The following TGIF2 variants were observed in gnomAD, a reference collection of about 807,000 sequenced individuals.
TGIF2 encodes the protein homeobox protein TGIF2.
TGIF2 carries 5 observed loss-of-function variants against 15.1 expected under a neutral mutation model. The ratio of observed to expected loss-of-function variants is 0.33; its 90% CI spans 0.17 to 0.70. TGIF2 has a LOEUF of 0.70. Ranked by LOEUF, TGIF2 falls within the 30% of genes least tolerant of loss-of-function variation. TGIF2 has a pLI of 0.67. For synonymous variants in TGIF2, 131 were observed against 128.9 expected (o/e 1.02, Z -0.11); for missense variants, 264 against 302.5 (o/e 0.87, Z 0.94).
At chr20:36,579,008 G>A (rs769036983) in intron 2 of TGIF2, 42 bp downstream of exon 2, 6 of 1,596,188 alleles carry the variant, frequency 3.8e-6, no homozygotes, top group Non-Finnish European at 5.1e-6. Flanking sequence ...GGAGGACCTG[G>A]GTTCTAGTCC....
intron 2 of TGIF2, 54 bp downstream of exon 2, chr20:36,579,020 A>C (rs938872277): frequency 1.8e-5 from 28 of 1,572,010 alleles, no homozygotes; most frequent in Middle Eastern, 3.4e-4. Flanking sequence ...TTCTAGTCCT[A>C]TTCCAGCTGT....
intron 1 of TGIF2, among the ~76,000 whole-genome samples, chr20:36,577,868 C>T (rs988633024): frequency 2.0e-5 from 3 of 152,038 alleles, no homozygotes; most frequent in African/African-American, 7.3e-5. Flanking sequence ...AGTGCAGTGG[C>T]ACAAACACAG....
chr20:36,584,693 C>T (rs2038617589), intron 2 of TGIF2, among the ~76,000 whole-genome samples: 1 of 151,786 alleles, frequency 6.6e-6, no homozygotes, highest in East Asian at 2.0e-4. Context: ...ATTACAGGCA[C>T]CTGCCACCAG....
Position 36,593,941 on chromosome 20 carries a change from T to A in TGIF2, c.*2510T>A, listed in dbSNP as rs2038808505. Reference sequence around the variant, plus strand: ...CAAATAAAATTTTTTTTTGTTTTTTTAAGCAGAAACAGGGTTCTTGATTGA... The same window carrying A: ...CAAATAAAATTTTTTTTTGTTTTTTAAAGCAGAAACAGGGTTCTTGATTGA... On this transcript the variant is annotated 3_prime_UTR_variant, in exon 3 of 3. Coordinates refer to ENST00000373872, the MANE Select transcript of TGIF2 (RefSeq NM_021809.7). 6.6e-6 allele frequency: 1 copy of A among 152,590 alleles called. No individual in the cohort carries two copies. The highest frequency in any genetic ancestry group is 1.5e-5 in the Non-Finnish European group (1 of 68,032). The allele number at this position is 152,590 out of a possible 1,614,324, so 9.5% of individuals were successfully genotyped here.
chr20:36,577,524 G>GTT (rs573112103), intron 1 of TGIF2, among the ~76,000 whole-genome samples: 8 of 132,514 alleles, frequency 6.0e-5, no homozygotes, highest in Non-Finnish European at 9.8e-5. Flanking sequence ...GTTTGTTTTT[G>GTT]TTTTTTTTTT....
rs552458441 is a variant in TGIF2, at chr20:36,573,744, A to G, written c.-36A>G. On this transcript the variant is annotated splice_region_variant and 5_prime_UTR_variant, in exon 1 of 3. Coordinates refer to ENST00000373872, the MANE Select transcript of TGIF2 (RefSeq NM_021809.7). The stretch of plus-strand genomic sequence containing the variant: ...GCGTGGACCCGAAAGCCGCTGGGAA[A>G]AGTCAGTGCAGGGAGCAGCAGAGGG... 3 of 151,432 alleles carry G rather than the reference A, an allele frequency of 2.0e-5. No individual in the cohort carries two copies. The highest frequency in any genetic ancestry group is 4.4e-5 in the Non-Finnish European group (3 of 67,802). The allele number at this position is 151,432 out of a possible 1,614,324, so 9.4% of individuals were successfully genotyped here.
At chr20:36,575,547 G>C (rs1262001236) in intron 1 of TGIF2, among the ~76,000 whole-genome samples, 1 of 152,194 alleles carries the variant, frequency 6.6e-6, no homozygotes, top group Non-Finnish European at 1.5e-5. Context: ...AGCCTGCAGT[G>C]GTGCTCTCTG....
Position 36,591,132 on chromosome 20 carries a change from G to A in TGIF2, c.415G>A (p.Gly139Arg). 3 of 1,613,742 alleles carry A rather than the reference G, an allele frequency of 1.9e-6. No homozygotes were observed. Among genetic ancestry groups the A allele is most frequent in the Non-Finnish European group, 2.5e-6 (3 of 1,179,794 alleles). The change falls in exon 3 of 3, where the codon GGG becomes AGG. Residue 139 changes from glycine (G) to arginine (R), a missense_variant. Transcript: ENST00000373872. The surrounding 1 kb of genome is among the most constrained non-coding windows in gnomAD (Gnocchi z 5.3). ...VCSMPLHSGQ[G>R]EKPAAPFPRG... ...CTCCATGCCGCTTCACTCAGGCCAG[G>A]GGGAAAAGCCAGCAGCCCCTTTCCC...
rs895815211 is a variant in TGIF2 at position 36,592,519 on chromosome 20, A to C, written c.*1088A>C. On this transcript the variant is annotated 3_prime_UTR_variant, in exon 3 of 3. Transcript: ENST00000373872. ...ATGTCAGAAGCTCCCAGCACCTCCT[A>C]CTTGGGAGAAAAGTGAGCCATCTGC... 16 of 152,396 alleles carry C rather than the reference A, an allele frequency of 1.0e-4. No homozygotes were observed. The highest frequency in any genetic ancestry group is 3.6e-4 in the African/African-American group (15 of 41,342). 9.4% of individuals were successfully genotyped at this position (152,396 alleles called of 1,614,324 possible).
chr20:36,577,982 T>TTG lies in TGIF2; in HGVS notation c.-34-744_-34-743dup, dbSNP rs910788312. Among the ~76,000 whole-genome samples the TTG allele has an allele frequency of 1.7e-3, 256 of 151,814 alleles. 1 individual carries two copies. The highest frequency in any genetic ancestry group is 6.7e-3 in the South Asian group (32 of 4,810). ...ATGACACCTGGCTTATTTTTGTATT[T>TTG]TGTGTGTGTGTGTGTGAGCCACTGC... On this transcript the variant is annotated intron_variant, in intron 1 of 2. Transcript: ENST00000373872.
chr20:36,585,294 T>C (rs372003296), intron 2 of TGIF2, among the ~76,000 whole-genome samples: 19 of 152,074 alleles, frequency 1.2e-4, no homozygotes, highest in Middle Eastern at 3.4e-3. Context: ...GGCCAGGAGT[T>C]GTAGACCAGT....
chr20:36,590,014 G>C (rs1248444505), intron 2 of TGIF2, among the ~76,000 whole-genome samples: 2 of 152,158 alleles, frequency 1.3e-5, no homozygotes, highest in African/African-American at 4.8e-5. Flanking sequence ...GAGTGCACTG[G>C]CATTATCACG....
chr20:36,591,238 G>C lies in TGIF2; in HGVS notation c.521G>C (p.Ser174Thr). 1 of 1,614,178 alleles carries C rather than the reference G, an allele frequency of 6.2e-7. No homozygotes were observed. Among genetic ancestry groups the C allele is most frequent in the Non-Finnish European group, 8.5e-7 (1 of 1,180,026 alleles). Reference sequence around the variant, plus strand: ...CTGCTGACCAGGGCTGAGGCTGGAAGCCCCACAGGTGGACTCTTCAACACG... The same window carrying C: ...CTGCTGACCAGGGCTGAGGCTGGAACCCCCACAGGTGGACTCTTCAACACG... ...LTLLTRAEAGSPTGGLFNTPP... is the reference protein window; with the variant it reads ...LTLLTRAEAGTPTGGLFNTPP... Residue 174 changes from serine to threonine, a missense_variant, in exon 3 of 3, where the codon AGC becomes ACC. Ser to Thr is a moderately conservative substitution (Grantham distance 58). Coordinates refer to ENST00000373872, the MANE Select transcript of TGIF2 (RefSeq NM_021809.7). This position sits in a 1 kb window ranked among gnomAD's most constrained non-coding sequence, Gnocchi z 5.3.
rs182600714 is a variant in TGIF2 at position 36,593,094 on chromosome 20, C to T, written c.*1663C>T. 1.8e-3 allele frequency: 278 copies of T among 152,672 alleles called. 4 individuals are homozygous for T. Among genetic ancestry groups the T allele is most frequent in the Non-Finnish European group, 2.1e-4 (14 of 68,028 alleles). 9.5% of individuals were successfully genotyped at this position (152,672 alleles called of 1,614,324 possible). A position where few individuals can be genotyped will look rare whatever the true frequency, so the allele number is the denominator to read the frequency against. ...CTGTTTCATTGCTGACAGTGTTCAA[C>T]AATATGCCCCATCTTTATATATCCT... is the stretch of plus-strand genomic sequence containing the variant. On this transcript the variant is annotated 3_prime_UTR_variant, in exon 3 of 3. Transcript: ENST00000373872.
intron 2 of TGIF2, among the ~76,000 whole-genome samples, chr20:36,581,239 TGCGTG>T (rs1423860890): frequency 4.6e-5 from 7 of 152,182 alleles, no homozygotes; most frequent in Admixed American, 4.6e-4. Context: ...TGCCCAGCAG[TGCGTG>T]GCATCTCACA....
At position 36,578,819 on chromosome 20, in the gene TGIF2, G is replaced by C. The variant is rs780735318; in HGVS notation, c.45G>C (p.Leu15=). Residue 15 remains leucine (L), a synonymous_variant, in exon 2 of 3, where the codon CTG becomes CTC. Transcript: ENST00000373872. ...GTGAGGACGAAGGCCTCCTCTCCCT[G>C]GCGGGCAAAAGGAAGCGCAGGGGGA... is the stretch of plus-strand genomic sequence containing the variant. ...DLGEDEGLLS[L]AGKRKRRGNL... is the part of the protein sequence containing the mutation. 1.1e-5 allele frequency: 17 copies of C among 1,614,028 alleles called. No individual in the cohort carries two copies. The highest frequency in any genetic ancestry group is 1.4e-5 in the Non-Finnish European group (17 of 1,180,020).
intron 1 of TGIF2, among the ~76,000 whole-genome samples, chr20:36,573,971 G>A (rs1460125808): frequency 1.3e-5 from 2 of 151,720 alleles, no homozygotes; most frequent in Non-Finnish European, 2.9e-5. Context: ...CCAGCCCCCG[G>A]GAGGAAGCCC....
chr20:36,593,060 C>T lies in TGIF2; in HGVS notation c.*1629C>T, dbSNP rs1006779726. The T allele has an allele frequency of 6.6e-6, 1 of 152,612 alleles. No individual in the cohort carries two copies. The highest frequency in any genetic ancestry group is 1.5e-5 in the Non-Finnish European group (1 of 68,060). 9.5% of individuals were successfully genotyped at this position (152,612 alleles called of 1,614,324 possible). On this transcript the variant is annotated 3_prime_UTR_variant, in exon 3 of 3. Transcript: ENST00000373872. ...TGACCTCGTGAGCCACCACGCCCAG[C>T]CTCTTTTGCTGTTTCATTGCTGACA...
intron 2 of TGIF2, among the ~76,000 whole-genome samples, chr20:36,582,879 G>C (rs1387227045): frequency 1.3e-5 from 2 of 152,148 alleles, no homozygotes; most frequent in African/African-American, 4.8e-5. Context: ...TCAATTACCA[G>C]CTCCTGTACA....
Sources: gnomAD v4.1 joint callset for allele counts (sites outside exome capture counted in the v4.1 genomes callset) on GRCh38, gnomAD v4.1.1 for gene constraint, Gnocchi (gnomAD v3.1) non-coding constraint, MANE v1.5 for transcripts, NCBI Gene and HGNC (gene_info 2026-07-23, HGNC 2026-07-21) for gene names.